Variants in UNC13B observed in about 807,000 individuals in gnomAD.
The protein encoded by UNC13B is protein unc-13 homolog B.
A neutral mutation model predicts 211.0 loss-of-function variants in UNC13B; 144 were observed. The observed-to-expected ratio is 0.68, with a 90% CI of 0.60 to 0.78. The LOEUF (loss-of-function observed/expected upper bound fraction) is 0.78. UNC13B is among the 30% of genes least tolerant of loss of function. The pLI is 0.00. For synonymous variants in UNC13B, 709 were observed against 725.8 expected (o/e 0.98, Z 0.37); for missense variants, 1,777 against 2,002.0 (o/e 0.89, Z 2.14).
intron 11 of UNC13B, among the ~76,000 whole-genome samples, chr9:35,334,853 A>G (rs951125865): frequency 2.0e-5 from 3 of 152,190 alleles, no homozygotes; most frequent in African/African-American, 7.2e-5. Context: ...CCTGGCCAAC[A>G]TGGCGAAACC....
intron 11 of UNC13B, chr9:35,353,392 A>G: frequency 2.4e-6 from 3 of 1,232,336 alleles, no homozygotes; most frequent in Non-Finnish European, 2.0e-6. Context: ...GTTCCCAGTC[A>G]GAGAACAGTG....
At chr9:35,185,168 G>C (rs995818739) in intron 1 of UNC13B, among the ~76,000 whole-genome samples, 1 of 152,132 alleles carries the variant, frequency 6.6e-6, no homozygotes, top group East Asian at 1.9e-4. Flanking sequence ...TAACAAAAAG[G>C]GCTCAGATTG....
chr9:35,283,015 T>G (rs1349579053), intron 7 of UNC13B, among the ~76,000 whole-genome samples: 2 of 152,202 alleles, frequency 1.3e-5, no homozygotes, highest in African/African-American at 2.4e-5. Flanking sequence ...AATTTAAAAT[T>G]TTTTCCCCAA....
intron 7 of UNC13B, among the ~76,000 whole-genome samples, chr9:35,279,142 A>G (rs1264532841): frequency 6.6e-6 from 1 of 152,210 alleles, no homozygotes; most frequent in Non-Finnish European, 1.5e-5. Context: ...GTCTAGTTCC[A>G]AAACATTTTT....
chr9:35,263,646 T>G (rs574259920), intron 7 of UNC13B, among the ~76,000 whole-genome samples: 2 of 152,160 alleles, frequency 1.3e-5, no homozygotes, highest in East Asian at 1.9e-4. Flanking sequence ...TTAAGACTTA[T>G]TGCTGAGAAC....
At chr9:35,364,678 C>T (rs1041166983) in intron 11 of UNC13B, 55 of 1,215,112 alleles carry the variant, frequency 4.5e-5, no homozygotes, top group African/African-American at 1.7e-4. Flanking sequence ...TGCACATGTG[C>T]GTGCATGATC....
intron 11 of UNC13B, among the ~76,000 whole-genome samples, chr9:35,355,367 A>G (rs577623771): frequency 6.6e-6 from 1 of 152,260 alleles, no homozygotes; most frequent in Admixed American, 6.5e-5. Context: ...TTTGAATCAT[A>G]TGAATATAAT....
chr9:35,297,090 C>CTTTTTTTT (rs201558543), intron 8 of UNC13B, among the ~76,000 whole-genome samples: 2 of 128,170 alleles, frequency 1.6e-5, no homozygotes, highest in East Asian at 2.2e-4. Flanking sequence ...TTTTAAGAAG[C>CTTTTTTTT]TTTTTTTTTT....
chr9:35,241,053 T>C (rs1825776611), intron 5 of UNC13B, among the ~76,000 whole-genome samples: 1 of 23,166 alleles, frequency 4.3e-5, no homozygotes, highest in African/African-American at 1.3e-4. Context: ...CAAGACTCTG[T>C]CTCAAAAAAA....
chr9:35,258,210 G>T (rs1827047422), intron 6 of UNC13B, among the ~76,000 whole-genome samples: 1 of 152,162 alleles, frequency 6.6e-6, no homozygotes. Flanking sequence ...TCTCATGTTT[G>T]CAAGTTGCCT....
chr9:35,402,746 C>G (rs546225928), intron 37 of UNC13B, among the ~76,000 whole-genome samples: 1 of 152,072 alleles, frequency 6.6e-6, no homozygotes, highest in African/African-American at 2.4e-5. Context: ...CTCTAGGAAT[C>G]CTGGGCATAG....
At chr9:35,168,879 C>T (rs1821188484) in intron 1 of UNC13B, among the ~76,000 whole-genome samples, 1 of 151,740 alleles carries the variant, frequency 6.6e-6, no homozygotes, top group Non-Finnish European at 1.5e-5. Context: ...TGCTATGTTT[C>T]CCAGGGTGGT....
At chr9:35,353,187 T>A in intron 11 of UNC13B, 1 of 1,232,126 alleles carries the variant, frequency 8.1e-7, no homozygotes, top group Admixed American at 4.2e-5. Context: ...GCTGCTCACG[T>A]CCTCAAGGAT....
intron 17 of UNC13B, 138 bp downstream of exon 17, chr9:35,378,574 A>C: frequency 6.1e-6 from 7 of 1,140,554 alleles, no homozygotes; most frequent in Non-Finnish European, 8.8e-6. Context: ...CTTCGTTCAG[A>C]CATCAGCCAT....
chr9:35,166,766 G>A (rs13293564), intron 1 of UNC13B, among the ~76,000 whole-genome samples: 1 of 151,972 alleles, frequency 6.6e-6, no homozygotes, highest in African/African-American at 2.4e-5. Context: ...GTCCCCATTC[G>A]GTATTCTTAC....
Position 35,398,900 on chromosome 9 carries a change from T to A in UNC13B, c.11940T>A (p.Asp3980Glu), listed in dbSNP as rs775917272. 1 of 1,614,006 alleles carries A rather than the reference T, an allele frequency of 6.2e-7. No homozygotes were observed. The highest frequency in any genetic ancestry group is 1.1e-5 in the South Asian group (1 of 91,060). Residue 3980 changes from aspartate to glutamate, a missense_variant, in exon 33 of 40, where the codon GAT becomes GAA. Transcript: ENST00000635942. ...TGTGTAGTTTCCAGGTACGGATTGA[T>A]GAGTGTGTTCGACAAATGGCCGACA... The part of the protein sequence containing the change: ...VFGNSFQVRI[D>E]ECVRQMADIL...
At chr9:35,378,465 G>T (rs748413286) in intron 17 of UNC13B, 29 bp downstream of exon 17, 1 of 1,613,782 alleles carries the variant, frequency 6.2e-7, no homozygotes, top group Admixed American at 1.7e-5. Context: ...TGTCTTACCT[G>T]GGACTGTGTG....
At chr9:35,173,045 T>C (rs1311687544) in intron 1 of UNC13B, among the ~76,000 whole-genome samples, 1 of 152,244 alleles carries the variant, frequency 6.6e-6, no homozygotes, top group Non-Finnish European at 1.5e-5. Context: ...CTGTTTGCTT[T>C]ATTGATTTCT....
intron 24 of UNC13B, among the ~76,000 whole-genome samples, chr9:35,388,863 AAGG>A (rs1187804713): frequency 6.6e-6 from 1 of 152,232 alleles, no homozygotes; most frequent in Non-Finnish European, 1.5e-5. Flanking sequence ...CGATAGCTGC[AAGG>A]AGGAGGGATT....
Sources: gnomAD v4.1 joint callset for allele counts (sites outside exome capture counted in the v4.1 genomes callset) on GRCh38, gnomAD v4.1.1 for gene constraint, MANE v1.5 for transcripts, NCBI Gene and HGNC (gene_info 2026-07-23, HGNC 2026-07-21) for gene names.